The following LUC7L2 variants were observed in gnomAD, a reference collection of about 807,000 sequenced individuals.
The protein encoded by LUC7L2 is LUC7 like 2, pre-mRNA splicing factor.
In LUC7L2, 25 loss-of-function variants were observed where a neutral mutation model predicts 52.8. The observed-to-expected ratio is 0.47, with a 90% CI of 0.34 to 0.66. The LOEUF is 0.66. Among genes scored for constraint, LUC7L2 ranks in the 30% least tolerant of loss-of-function variants. The pLI is 0.01. For synonymous variants in LUC7L2, 144 were observed against 160.9 expected (o/e 0.89, Z 0.80); for missense variants, 328 against 497.8 (o/e 0.66, Z 3.25).
chr7:139,363,700 C>T (rs1307209200), intron 1 of LUC7L2, among the ~76,000 whole-genome samples: 1 of 152,100 alleles, frequency 6.6e-6, no homozygotes, highest in East Asian at 1.9e-4. Context: ...TTTCCCTGAA[C>T]ATATTCATTC....
chr7:139,360,208 A>C lies in LUC7L2; in HGVS notation c.-54A>C, dbSNP rs564075172. ...ATCCCTTCCCCTTATCCCCCAGCCC[A>C]AAAGGGCCCGGTCTGCGCCCCACCC... On this transcript the variant is annotated 5_prime_UTR_variant, in exon 1 of 10. Coordinates refer to ENST00000354926, the MANE Select transcript of LUC7L2 (RefSeq NM_016019.5). 89 of 1,271,606 alleles carry C rather than the reference A, an allele frequency of 7.0e-5. No homozygotes were observed. The highest frequency in any genetic ancestry group is 2.6e-4 in the Middle Eastern group (1 of 3,822). 78.8% of individuals were successfully genotyped at this position (1,271,606 alleles called of 1,614,324 possible).
At chr7:139,343,883 G>T (rs533675483) in intron 1 of LUC7L2, among the ~76,000 whole-genome samples, 1 of 142,040 alleles carries the variant, frequency 7.0e-6, no homozygotes, top group African/African-American at 2.8e-5. Context: ...CCATGTTCAC[G>T]CTATTGCACT....
intron 1 of LUC7L2, among the ~76,000 whole-genome samples, chr7:139,340,795 T>TC (rs1243473887): frequency 6.6e-5 from 10 of 151,978 alleles, no homozygotes; most frequent in African/African-American, 2.2e-4. Context: ...TGTCCTTTTT[T>TC]CCCCTTTCTA....
intron 9 of LUC7L2, among the ~76,000 whole-genome samples, chr7:139,420,859 T>C (rs1221114225): frequency 1.3e-5 from 2 of 152,092 alleles, no homozygotes; most frequent in African/African-American, 2.4e-5. Context: ...AGTGCAGTAA[T>C]GCGATCTGGG....
chr7:139,366,107 A>T (rs751312345), intron 1 of LUC7L2, among the ~76,000 whole-genome samples: 4 of 152,360 alleles, frequency 2.6e-5, no homozygotes, highest in Middle Eastern at 3.4e-3. Context: ...AGAAAGTAAC[A>T]TGAAGTCCAT....
intron 7 of LUC7L2, among the ~76,000 whole-genome samples, chr7:139,411,029 T>C (rs1407206376): frequency 6.6e-6 from 1 of 152,214 alleles, no homozygotes; most frequent in African/African-American, 2.4e-5. Context: ...TAAGTCCTTA[T>C]GGGAATATTG....
chr7:139,387,551 A>G (rs1794257520), intron 2 of LUC7L2, among the ~76,000 whole-genome samples: 1 of 152,118 alleles, frequency 6.6e-6, no homozygotes, highest in African/African-American at 2.4e-5. Flanking sequence ...AAAGAAACAA[A>G]TGGAGAAAAT....
chr7:139,345,403 A>G (rs1045894552), intron 1 of LUC7L2: 4 of 1,517,230 alleles, frequency 2.6e-6, no homozygotes, highest in African/African-American at 2.8e-5. Context: ...CCTCTGTGCA[A>G]TTTACTTTCA....
intron 1 of LUC7L2, chr7:139,371,442 C>G (rs1475623277): frequency 4.6e-6 from 7 of 1,533,636 alleles, no homozygotes; most frequent in African/African-American, 4.1e-5. Flanking sequence ...TAAAAAAATA[C>G]AGGGAGCATC....
intron 1 of LUC7L2, chr7:139,346,222 CAA>C (rs1378824183): frequency 7.5e-6 from 1 of 133,024 alleles, no homozygotes; most frequent in African/African-American, 3.2e-5. Context: ...GCCTGGGCAA[CAA>C]GAGCAAAACT....
chr7:139,412,616 A>G (rs756253945), intron 8 of LUC7L2, 36 bp downstream of exon 8: 7 of 1,568,688 alleles, frequency 4.5e-6, no homozygotes, highest in Non-Finnish European at 1.7e-6. Context: ...TAAGTAGTGA[A>G]GTTGTCTTTT....
chr7:139,367,642 A>G (rs1800232300), intron 1 of LUC7L2, among the ~76,000 whole-genome samples: 1 of 152,234 alleles, frequency 6.6e-6, no homozygotes, highest in South Asian at 2.1e-4. Context: ...TCCAGGGAGT[A>G]TTCATGTGAA....
At position 139,405,753 on chromosome 7, in the gene LUC7L2, T is replaced by C; in HGVS notation, c.476T>C (p.Val159Ala). 3 of 1,611,928 alleles carry C rather than the reference T, an allele frequency of 1.9e-6. No homozygotes were observed. The highest frequency in any genetic ancestry group is 1.7e-6 in the Non-Finnish European group (2 of 1,179,466). Residue 159 changes from valine to alanine, a missense_variant, in exon 5 of 10, where the codon GTA becomes GCA. Coordinates refer to ENST00000354926, the MANE Select transcript of LUC7L2 (RefSeq NM_016019.5). ...VEESQKVMDEVEKARAKKREA... is the reference protein window; with the variant it reads ...VEESQKVMDEAEKARAKKREA... ...GAATCCCAGAAAGTAATGGATGAAGTAGAGAAAGCACGGGCAAAGAAAAGA... is the reference window on the plus strand; with the variant it reads ...GAATCCCAGAAAGTAATGGATGAAGCAGAGAAAGCACGGGCAAAGAAAAGA...
Position 139,345,387 on chromosome 7 carries a change from G to C in LUC7L2, c.-26+4870G>C. 4.8e-6 allele frequency: 7 copies of C among 1,453,058 alleles called. No individual in the cohort carries two copies. In the South Asian group the frequency reaches 9.5e-5, roughly 20 times the overall value. The allele number at this position is 1,453,058 out of a possible 1,614,324, so 90.0% of individuals were successfully genotyped here. A position where few individuals can be genotyped will look rare whatever the true frequency, so the allele number is the denominator to read the frequency against. ...TATACATGTATATACATACATGTCT[G>C]TATTTCCTCTGTGCAATTTACTTTC... On this transcript the variant is annotated intron_variant, in intron 1 of 10. Transcript: ENST00000541170.
chr7:139,355,851 TGTTA>T (rs1433532142), upstream of LUC7L2, among the ~76,000 whole-genome samples: 1 of 152,146 alleles, frequency 6.6e-6, no homozygotes, highest in Non-Finnish European at 1.5e-5. Context: ...TGACAAAAGA[TGTTA>T]GTTAATGGAT....
At chr7:139,397,583 A>G (rs943499793) in intron 2 of LUC7L2, among the ~76,000 whole-genome samples, 1 of 152,154 alleles carries the variant, frequency 6.6e-6, no homozygotes. Context: ...GAGGTATTCC[A>G]AGGGTGGTCA....
chr7:139,388,396 C>T (rs770755422), intron 2 of LUC7L2, among the ~76,000 whole-genome samples: 6 of 151,882 alleles, frequency 4.0e-5, no homozygotes, highest in Non-Finnish European at 4.4e-5. Flanking sequence ...TGGGAAGAGG[C>T]AGTTAAGAAA....
chr7:139,409,537 TCTC>T lies in LUC7L2; in HGVS notation c.688-22_688-20del, dbSNP rs200767946. The T allele has an allele frequency of 1.1e-3, 1,749 of 1,586,630 alleles. 19 individuals are homozygous for T. In the East Asian group the frequency reaches 0.02, roughly 18 times the overall value. On this transcript the variant is annotated intron_variant, in intron 6 of 9. Transcript: ENST00000354926. ...GTTTAAGAATGGACTCAGTAAATAT[TCTC>T]CTCATTTATTACTGTTTTTAAGAGA... is the stretch of plus-strand genomic sequence containing the variant.
chr7:139,422,988 CTTGAT>C lies in LUC7L2; in HGVS notation c.*651_*655del, dbSNP rs1795963347. On this transcript the variant is annotated 3_prime_UTR_variant, in exon 10 of 10. Transcript: ENST00000354926. ...TTATTGAAATTTTGAAATCAAACGTCTTGATTTTTCTGTTCTGTTGAATTGCTATG... is the reference window on the plus strand; with the variant it reads ...TTATTGAAATTTTGAAATCAAACGTCTTTTCTGTTCTGTTGAATTGCTATG... The C allele has an allele frequency of 2.5e-6, 1 of 398,148 alleles. No individual in the cohort carries two copies. Among genetic ancestry groups the C allele is most frequent in the African/African-American group, 2.1e-5 (1 of 48,322 alleles). 24.7% of individuals were successfully genotyped at this position (398,148 alleles called of 1,614,324 possible). A position where few individuals can be genotyped will look rare whatever the true frequency, so the allele number is the denominator to read the frequency against.
Sources: allele counts gnomAD v4.1 joint callset (sites outside exome capture counted in the v4.1 genomes callset), GRCh38; gene constraint gnomAD v4.1.1; transcripts MANE v1.5; gene names NCBI Gene and HGNC (gene_info 2026-07-23, HGNC 2026-07-21).